DCC: variants seen among roughly 807,000 people sequenced by gnomAD.
DCC encodes the protein netrin receptor DCC.
A neutral mutation model predicts 172.5 loss-of-function variants in DCC; 58 were observed. The ratio of observed to expected loss-of-function variants is 0.34; its 90% CI spans 0.27 to 0.42. DCC has a LOEUF of 0.42. Ranked by LOEUF, DCC falls within the 10% of genes least tolerant of loss-of-function variation. The pLI is 1.00. For synonymous variants in DCC, 709 were observed against 644.5 expected (o/e 1.10, Z -1.52); for missense variants, 1,740 against 1,791.0 (o/e 0.97, Z 0.51).
chr18:53,170,427 GA>G (rs1428959692), intron 8 of DCC, among the ~76,000 whole-genome samples: 2 of 152,214 alleles, frequency 1.3e-5, no homozygotes, highest in Admixed American at 1.3e-4. Context: ...TATCAATAAA[GA>G]TTTTTTTTGG....
intron 12 of DCC, among the ~76,000 whole-genome samples, chr18:53,275,323 T>A (rs1195616515): frequency 6.6e-6 from 1 of 152,070 alleles, no homozygotes; most frequent in Non-Finnish European, 1.5e-5. Context: ...CTCTAAGAAT[T>A]TTTGCCTTTT....
chr18:53,226,948 A>ATATATATATATT, intron 12 of DCC, among the ~76,000 whole-genome samples: 1 of 52,950 alleles, frequency 1.9e-5, no homozygotes, highest in Admixed American at 1.7e-4. Flanking sequence ...ATATATATAT[A>ATATATATATATT]TTTTTTTTTT....
intron 5 of DCC, among the ~76,000 whole-genome samples, chr18:52,969,109 C>A (rs1444508673): frequency 6.6e-6 from 1 of 152,080 alleles, no homozygotes; most frequent in African/African-American, 2.4e-5. Flanking sequence ...GCTCTTTGTT[C>A]ATTTCTTTAT....
At chr18:53,528,743 A>G (rs182979760) in intron 28 of DCC, among the ~76,000 whole-genome samples, 2 of 152,256 alleles carry the variant, frequency 1.3e-5, no homozygotes, top group Admixed American at 1.3e-4. Context: ...TTTCCAAAAT[A>G]TTATCATCTC....
At chr18:53,359,324 C>A (rs1038804463) in intron 15 of DCC, among the ~76,000 whole-genome samples, 5 of 152,120 alleles carry the variant, frequency 3.3e-5, no homozygotes, top group African/African-American at 1.2e-4. Context: ...TGGGGACTTG[C>A]GTGCAAGTCA....
At position 53,233,626 on chromosome 18, in the gene DCC, T is replaced by C. The variant is rs116783735; in HGVS notation, c.1911+18029T>C. On this transcript the variant is annotated intron_variant, in intron 12 of 28. Coordinates refer to ENST00000442544, the MANE Select transcript of DCC (RefSeq NM_005215.4). The stretch of plus-strand genomic sequence containing the variant: ...CTGCTTGACTTCCTGTTTATTCTGC[T>C]AAACTATAATCTGATTTTACTTAAA... Among the ~76,000 whole-genome samples the C allele has an allele frequency of 1.6e-3, 242 of 152,324 alleles. 1 individual carries two copies. Among genetic ancestry groups the C allele is most frequent in the African/African-American group, 5.8e-3 (240 of 41,578 alleles).
intron 7 of DCC, among the ~76,000 whole-genome samples, chr18:53,125,530 T>C (rs921735553): frequency 3.3e-5 from 5 of 152,132 alleles, no homozygotes; most frequent in South Asian, 2.1e-4. Flanking sequence ...ACTCATCTTA[T>C]AGGTCTTCCC....
In DCC at chr18:53,176,546, G is replaced by C. The variant is rs1192625966; in HGVS notation, c.1419-2416G>C. On this transcript the variant is annotated intron_variant, in intron 8 of 28. Transcript: ENST00000442544. The stretch of plus-strand genomic sequence containing the variant: ...CATGAACAGACACTTCTCAAAAGAA[G>C]ACATTTATGCAGCCAAAAAACACAT... 7.2e-5 allele frequency among the ~76,000 whole-genome samples: 11 copies of C among 151,860 alleles called. No individual in the cohort carries two copies. The East Asian group carries it at 1.2e-3, about 16-fold the overall frequency.
At chr18:53,378,153 G>C (rs1028303754) in intron 15 of DCC, among the ~76,000 whole-genome samples, 1 of 150,242 alleles carries the variant, frequency 6.7e-6, no homozygotes, top group Non-Finnish European at 1.5e-5. Flanking sequence ...TTAGAAACAG[G>C]GTTTTGCCTG....
intron 9 of DCC, among the ~76,000 whole-genome samples, chr18:53,180,518 CT>C (rs145746002): frequency 0.027 from 4,134 of 152,284 alleles, 99 homozygotes; most frequent in Middle Eastern, 0.068. Context: ...AACGTGAGTC[CT>C]TGCACAACTT....
chr18:52,985,661 A>G (rs887369782), intron 5 of DCC, among the ~76,000 whole-genome samples: 7 of 151,716 alleles, frequency 4.6e-5, no homozygotes, highest in African/African-American at 1.7e-4. Context: ...CATCTTATTT[A>G]CTATGTCTTT....
At chr18:52,629,014 G>T (rs1212638055) in intron 1 of DCC, among the ~76,000 whole-genome samples, 1 of 152,168 alleles carries the variant, frequency 6.6e-6, no homozygotes, top group African/African-American at 2.4e-5. Context: ...GGCTGAAATA[G>T]TAGATTTAAA....
intron 1 of DCC, among the ~76,000 whole-genome samples, chr18:52,733,494 C>CA (rs2036677929): frequency 6.6e-6 from 1 of 151,878 alleles, no homozygotes. Context: ...TAAACACCGC[C>CA]TTTTTTTGTT....
chr18:52,893,958 C>T (rs188663791), intron 2 of DCC, among the ~76,000 whole-genome samples: 104 of 152,150 alleles, frequency 6.8e-4, no homozygotes, highest in African/African-American at 2.2e-3. Context: ...CATAAGTTTT[C>T]GAACTCACTG....
At position 53,208,155 on chromosome 18, in the gene DCC, A is replaced by T. The variant is rs376973152; in HGVS notation, c.1861+338A>T. On this transcript the variant is annotated intron_variant, in intron 11 of 28. Transcript: ENST00000442544. The stretch of plus-strand genomic sequence containing the variant: ...CTGGATATGGTGGCATGCACCTGCG[A>T]TCCCAGCTACTTGGGAGGCTCATTC... Among the ~76,000 whole-genome samples, 11 of 148,580 alleles carry T rather than the reference A, an allele frequency of 7.4e-5. No homozygotes were observed. The East Asian group carries it at 2.0e-3, about 27-fold the overall frequency.
chr18:52,876,520 A>C (rs891045052), intron 2 of DCC, among the ~76,000 whole-genome samples: 2 of 152,248 alleles, frequency 1.3e-5, no homozygotes, highest in African/African-American at 4.8e-5. Context: ...GTTTATAAAG[A>C]AAACATAGAT....
chr18:52,692,320 G>A (rs1239423018), intron 1 of DCC, among the ~76,000 whole-genome samples: 3 of 152,088 alleles, frequency 2.0e-5, no homozygotes, highest in Non-Finnish European at 1.5e-5. Flanking sequence ...TTTAAGGGAA[G>A]CTTCCCAGCA....
intron 7 of DCC, among the ~76,000 whole-genome samples, chr18:53,107,003 A>T (rs747971485): frequency 6.6e-6 from 1 of 151,892 alleles, no homozygotes; most frequent in African/African-American, 2.4e-5. Context: ...GGACATCAGG[A>T]CATTTCATGA....
At chr18:52,930,159 C>T (rs2040286021) in intron 5 of DCC, among the ~76,000 whole-genome samples, 1 of 151,634 alleles carries the variant, frequency 6.6e-6, no homozygotes, top group Non-Finnish European at 1.5e-5. Flanking sequence ...GAGACAGGGT[C>T]TGGTTATATT....
Sources: allele counts gnomAD v4.1 joint callset (sites outside exome capture counted in the v4.1 genomes callset), GRCh38; gene constraint gnomAD v4.1.1; transcripts MANE v1.5; gene names NCBI Gene and HGNC (gene_info 2026-07-23, HGNC 2026-07-21).